Variants in AGAP1 observed in about 807,000 individuals in gnomAD.
AGAP1 encodes the protein ArfGAP with GTPase domain, ankyrin repeat and PH domain 1, also known as arf-GAP with GTPase, ANK repeat and PH domain-containing protein 1.
Under a neutral mutation model 105.3 loss-of-function variants are expected in AGAP1, and 29 were observed. The observed-to-expected ratio is 0.28, with a 90% CI of 0.21 to 0.38. The LOEUF (loss-of-function observed/expected upper bound fraction) is 0.38. AGAP1 is among the 10% of genes least tolerant of loss of function. The pLI, the probability that AGAP1 is intolerant of heterozygous loss-of-function variation, is 1.00. For synonymous variants in AGAP1, 509 were observed against 485.9 expected (o/e 1.05, Z -0.63); for missense variants, 998 against 1,165.1 (o/e 0.86, Z 2.09).
At chr2:235,938,070 A>T (rs2053075861) in intron 12 of AGAP1, among the ~76,000 whole-genome samples, 1 of 152,256 alleles carries the variant, frequency 6.6e-6, no homozygotes, top group African/African-American at 2.4e-5. Flanking sequence ...CTTTCCACAC[A>T]GCTTCTCAGA....
chr2:236,015,411 G>A (rs1357038887), intron 13 of AGAP1, among the ~76,000 whole-genome samples: 1 of 152,112 alleles, frequency 6.6e-6, no homozygotes, highest in Non-Finnish European at 1.5e-5. Context: ...TCAGTATTTT[G>A]TTGTGTTTCT....
intron 11 of AGAP1, among the ~76,000 whole-genome samples, chr2:235,926,196 A>T (rs1291281558): frequency 6.6e-6 from 1 of 152,232 alleles, no homozygotes; most frequent in Non-Finnish European, 1.5e-5. Flanking sequence ...CTGTATGCAT[A>T]TCTGTATCAA....
At chr2:235,560,312 C>A (rs927082259) in intron 1 of AGAP1, among the ~76,000 whole-genome samples, 1 of 152,046 alleles carries the variant, frequency 6.6e-6, no homozygotes, top group Non-Finnish European at 1.5e-5. Context: ...TTCTTTCTTT[C>A]TCTCTTTCTG....
chr2:235,633,387 A>G lies in AGAP1; in HGVS notation c.164-75792A>G, dbSNP rs553467070. Among the ~76,000 whole-genome samples, 1 of 152,164 alleles carries G rather than the reference A, an allele frequency of 6.6e-6. No homozygotes were observed. The highest frequency in any genetic ancestry group is 1.5e-5 in the Non-Finnish European group (1 of 67,994). ...GGTGGGTGGATCACCTGAGGTCAGG[A>G]GTTCAAGACCAGTCTGGTCAACATG... On this transcript the variant is annotated intron_variant, in intron 1 of 17. Coordinates refer to ENST00000304032, the MANE Select transcript of AGAP1 (RefSeq NM_001037131.3). The surrounding 1 kb of genome is among the most constrained non-coding windows in gnomAD (Gnocchi z 4.8).
chr2:236,049,068 G>C lies in AGAP1; in HGVS notation c.1901G>C (p.Trp634Ser). The C allele has an allele frequency of 6.2e-7, 1 of 1,613,898 alleles. No homozygotes were observed. Among genetic ancestry groups the C allele is most frequent in the South Asian group, 1.1e-5 (1 of 91,054 alleles). The part of the protein sequence containing the change: ...CVDCETQNPN[W>S]ASLNLGALMC... ...GTTCCTCTTCCCGTAGATCCCAACT[G>C]GGCCAGTTTGAACTTGGGAGCCCTC... Residue 634 changes from tryptophan (W) to serine (S), a missense_variant, in exon 16 of 18, where the codon TGG (tryptophan) becomes TCG (serine). Trp to Ser is a radical substitution (Grantham distance 177). This residue lies in a region of AGAP1 where 28 missense variants were observed against 61.0 expected (regional missense o/e 0.46). Transcript: ENST00000304032.
intron 9 of AGAP1, among the ~76,000 whole-genome samples, chr2:235,823,802 C>T (rs1401009078): frequency 6.6e-6 from 1 of 151,990 alleles, no homozygotes; most frequent in African/African-American, 2.4e-5. Flanking sequence ...AAAAGCATTA[C>T]CTTTGAAAGC....
intron 16 of AGAP1, among the ~76,000 whole-genome samples, chr2:236,067,433 C>T (rs1202329689): frequency 1.3e-5 from 2 of 152,054 alleles, no homozygotes; most frequent in Non-Finnish European, 2.9e-5. Flanking sequence ...AGTTCAGAAA[C>T]ATCGTTAAAA....
intron 13 of AGAP1, among the ~76,000 whole-genome samples, chr2:235,972,780 A>C (rs889804736): frequency 2.0e-5 from 3 of 152,114 alleles, no homozygotes; most frequent in Non-Finnish European, 4.4e-5. Context: ...AGCACCTCCT[A>C]CAAGCCCCTG....
In AGAP1 at chr2:236,014,660, T is replaced by TGGCACCCACCCGCTTCGCGCA; in HGVS notation, c.1646-21899_1646-21879dup. On this transcript the variant is annotated intron_variant, in intron 13 of 17. Transcript: ENST00000304032. This position sits in a 1 kb window ranked among gnomAD's most constrained non-coding sequence, Gnocchi z 6.3. ...GGAGGGCTCAGCCCAGGGAGCTCCA[T>TGGCACCCACCCGCTTCGCGCA]GGCACCCACCCGCTTCGCGCAGACA... The TGGCACCCACCCGCTTCGCGCA allele has an allele frequency of 5.8e-6, 2 of 342,636 alleles. No individual in the cohort carries two copies. Among genetic ancestry groups the TGGCACCCACCCGCTTCGCGCA allele is most frequent in the South Asian group, 4.6e-5 (2 of 43,800 alleles). 21.2% of individuals were successfully genotyped at this position (342,636 alleles called of 1,614,324 possible).
At chr2:235,952,275 G>GT (rs2053770364) in intron 12 of AGAP1, among the ~76,000 whole-genome samples, 1 of 85,110 alleles carries the variant, frequency 1.2e-5, no homozygotes, top group African/African-American at 7.9e-5. Context: ...CATTTGCAGT[G>GT]GCCCAGCAAA....
At position 235,882,665 on chromosome 2, in the gene AGAP1, A is replaced by G. The variant is rs1018560904; in HGVS notation, c.1051-680A>G. ...TTTTAGTAGAGACAGGGTTTCACCA[A>G]TATTGGCCATGGTTGGCCAGGCTGG... On this transcript the variant is annotated intron_variant, in intron 9 of 17. Coordinates refer to ENST00000304032, the MANE Select transcript of AGAP1 (RefSeq NM_001037131.3). This position sits in a 1 kb window ranked among gnomAD's most constrained non-coding sequence, Gnocchi z 4.6. Among the ~76,000 whole-genome samples, 11 of 152,194 alleles carry G rather than the reference A, an allele frequency of 7.2e-5. No individual in the cohort carries two copies. The highest frequency in any genetic ancestry group is 2.4e-4 in the African/African-American group (10 of 41,538).
rs2058101085 is a variant in AGAP1 at position 236,058,322 on chromosome 2, G to T, written c.2114+9041G>T. 6.6e-6 allele frequency among the ~76,000 whole-genome samples: 1 copy of T among 152,112 alleles called. No individual in the cohort carries two copies. The highest frequency in any genetic ancestry group is 2.4e-5 in the African/African-American group (1 of 41,416). ...ACTGTTGTCTGGCTTAGCATATCCAGTATATCCCAGCAGATGTTACAGCCA... is the reference window on the plus strand; with the variant it reads ...ACTGTTGTCTGGCTTAGCATATCCATTATATCCCAGCAGATGTTACAGCCA... On this transcript the variant is annotated intron_variant, in intron 16 of 17. Coordinates refer to ENST00000304032, the MANE Select transcript of AGAP1 (RefSeq NM_001037131.3). This position sits in a 1 kb window ranked among gnomAD's most constrained non-coding sequence, Gnocchi z 4.6.
intron 16 of AGAP1, among the ~76,000 whole-genome samples, chr2:236,063,623 C>T (rs1383799210): frequency 6.6e-6 from 1 of 152,224 alleles, no homozygotes; most frequent in East Asian, 1.9e-4. Context: ...GATTTCTAGG[C>T]TGGCCACCCA....
In AGAP1 at chr2:235,553,070, C is replaced by T. The variant is rs1943864319; in HGVS notation, c.163+58221C>T. On this transcript the variant is annotated intron_variant, in intron 1 of 17. Transcript: ENST00000304032. The surrounding 1 kb of genome is among the most constrained non-coding windows in gnomAD (Gnocchi z 4.5). ...CTGAGCCTCTGCTTTATTTCATCTG[C>T]AAGTAGCATTAATACTATAACTGAA... is the stretch of plus-strand genomic sequence containing the variant. Among the ~76,000 whole-genome samples, 1 of 152,210 alleles carries T rather than the reference C, an allele frequency of 6.6e-6. No homozygotes were observed. The highest frequency in any genetic ancestry group is 6.5e-5 in the Admixed American group (1 of 15,282).
chr2:235,499,140 G>T (rs920286142), intron 1 of AGAP1, among the ~76,000 whole-genome samples: 1 of 152,186 alleles, frequency 6.6e-6, no homozygotes, highest in South Asian at 2.1e-4. Context: ...AGCTGGGCCC[G>T]TCCGACCTCA....
At position 235,494,686 on chromosome 2, in the gene AGAP1, C is replaced by T. The variant is rs1941230070; in HGVS notation, c.-1C>T. The T allele has an allele frequency of 2.0e-6, 3 of 1,496,228 alleles. No homozygotes were observed. In the African/African-American group the frequency reaches 4.4e-5, roughly 22 times the overall value. The allele number at this position is 1,496,228 out of a possible 1,614,324, so 92.7% of individuals were successfully genotyped here. ...GCGGCTCCGGGCGCGGCGCCTGCACCATGAACTACCAGCAGCAGCTGGCCA... is the reference window on the plus strand; with the variant it reads ...GCGGCTCCGGGCGCGGCGCCTGCACTATGAACTACCAGCAGCAGCTGGCCA... On this transcript the variant is annotated 5_prime_UTR_variant, in exon 1 of 18. Transcript: ENST00000304032.
rs1430962119 is a variant in AGAP1, at chr2:235,964,927, C to T, written c.1484-3535C>T. ...CAGTCATGGAGCGGCTTTGTGAAAACAGGCTGAGCTCGAGGTCCCAGGCTG... is the reference window on the plus strand; with the variant it reads ...CAGTCATGGAGCGGCTTTGTGAAAATAGGCTGAGCTCGAGGTCCCAGGCTG... On this transcript the variant is annotated intron_variant, in intron 12 of 17. Transcript: ENST00000304032. This position sits in a 1 kb window ranked among gnomAD's most constrained non-coding sequence, Gnocchi z 4.6. 6.6e-6 allele frequency among the ~76,000 whole-genome samples: 1 copy of T among 152,186 alleles called. No homozygotes were observed. Among genetic ancestry groups the T allele is most frequent in the African/African-American group, 2.4e-5 (1 of 41,444 alleles).
rs73125531 is a variant in AGAP1 at position 236,062,035 on chromosome 2, G to A, written c.2114+12754G>A. Among the ~76,000 whole-genome samples, 956 of 152,306 alleles carry A rather than the reference G, an allele frequency of 6.3e-3. 4 individuals are homozygous for A. The highest frequency in any genetic ancestry group is 0.021 in the African/African-American group (892 of 41,570). Reference sequence around the variant, plus strand: ...GGCTGGCGTGGCTGCCCCTCCTCAGGCCTGGGGAGTAGAGCTCTGAGCAGG... The same window carrying A: ...GGCTGGCGTGGCTGCCCCTCCTCAGACCTGGGGAGTAGAGCTCTGAGCAGG... On this transcript the variant is annotated intron_variant, in intron 16 of 17. Transcript: ENST00000304032. This position sits in a 1 kb window ranked among gnomAD's most constrained non-coding sequence, Gnocchi z 4.2.
intron 1 of AGAP1, among the ~76,000 whole-genome samples, chr2:235,636,822 C>CA (rs1213159613): frequency 6.6e-6 from 1 of 152,120 alleles, no homozygotes; most frequent in Non-Finnish European, 1.5e-5. Context: ...GTGGGCCCCT[C>CA]ATCTAATATG....
Sources: allele counts gnomAD v4.1 joint callset (sites outside exome capture counted in the v4.1 genomes callset), GRCh38; gene constraint gnomAD v4.1.1; regional missense constraint gnomAD v4.1.1; non-coding constraint Gnocchi (gnomAD v3.1); transcripts MANE v1.5; gene names NCBI Gene and HGNC (gene_info 2026-07-23, HGNC 2026-07-21).